The following ABCA12 variants were observed in gnomAD, a reference collection of about 807,000 sequenced individuals.
The protein encoded by ABCA12 is glucosylceramide transporter ABCA12.
In ABCA12, 156 loss-of-function variants were observed where a neutral mutation model predicts 293.5. The observed-to-expected ratio is 0.53, with a 90% CI of 0.47 to 0.61. The LOEUF (loss-of-function observed/expected upper bound fraction) is 0.61. Among genes scored for constraint, ABCA12 ranks in the 20% least tolerant of loss-of-function variants. The probability of loss-of-function intolerance (pLI) is 0.00; values close to 1 mark genes in which losing one functional copy is unlikely to be tolerated. For synonymous variants in ABCA12, 1,063 were observed against 1,108.0 expected, an observed-to-expected ratio of 0.96 and a Z score of 0.81; for missense variants, 2,797 against 3,090.2, an observed-to-expected ratio of 0.91 and a Z score of 2.25.
intron 6 of ABCA12, among the ~76,000 whole-genome samples, chr2:215,048,712 AAAAAACAAAGCAAAAC>A (rs1701255717): frequency 1.3e-5 from 2 of 152,258 alleles, no homozygotes; most frequent in Middle Eastern, 3.4e-3. Flanking sequence ...CAGAAAAAAC[AAAAAACAAAGCAAAAC>A]AAAAACAAAG....
intron 6 of ABCA12, among the ~76,000 whole-genome samples, chr2:215,046,903 A>T (rs111708511): frequency 0.14 from 21,878 of 152,096 alleles, 4,754 homozygotes; most frequent in African/African-American, 0.47. Context: ...GAAAAAAAGG[A>T]ATGAGATCAT....
chr2:214,981,945 A>ATTATTT (rs1293707507), intron 30 of ABCA12, among the ~76,000 whole-genome samples: 28 of 107,928 alleles, frequency 2.6e-4, no homozygotes, highest in African/African-American at 1.4e-3. Context: ...AGCTGTTTTT[A>ATTATTT]TTATTATTAT....
intron 49 of ABCA12, 92 bp from the exon 50 acceptor site, chr2:214,943,109 A>C: frequency 1.1e-6 from 1 of 903,256 alleles, no homozygotes; most frequent in Non-Finnish European, 1.8e-6. Context: ...TCATTATGGC[A>C]CTTGGAAATA....
chr2:214,966,653 T>C (rs1208650010), intron 39 of ABCA12, among the ~76,000 whole-genome samples, 195 bp downstream of exon 39: 1 of 152,152 alleles, frequency 6.6e-6, no homozygotes, highest in Non-Finnish European at 1.5e-5. Context: ...GAAAACTAAA[T>C]TGACCTGAAG....
At chr2:214,955,445 G>T in intron 42 of ABCA12, 84 bp from the exon 43 acceptor site, 2 of 1,380,160 alleles carry the variant, frequency 1.4e-6, no homozygotes, top group African/African-American at 1.4e-5. Flanking sequence ...ACTTTAGGAG[G>T]CTGAGGCAGG....
chr2:215,052,691 C>T (rs571209686), intron 4 of ABCA12, 107 bp from the exon 5 acceptor site: 11 of 931,362 alleles, frequency 1.2e-5, no homozygotes, highest in Non-Finnish European at 1.9e-5. Flanking sequence ...TACCCTACAG[C>T]AAGGATGTGC....
At chr2:215,052,935 C>A (rs1701349839) in intron 4 of ABCA12, among the ~76,000 whole-genome samples, 1 of 152,082 alleles carries the variant, frequency 6.6e-6, no homozygotes, top group Non-Finnish European at 1.5e-5. Flanking sequence ...CCTACACTAG[C>A]TCCACAGATC....
intron 51 of ABCA12, among the ~76,000 whole-genome samples, chr2:214,935,485 A>T (rs1036287267): frequency 1.6e-4 from 25 of 152,168 alleles, no homozygotes; most frequent in Non-Finnish European, 3.1e-4. Context: ...GATGATAGAA[A>T]ATGAGCTTTG....
intron 2 of ABCA12, among the ~76,000 whole-genome samples, chr2:215,104,379 C>T (rs1347471163): frequency 1.3e-5 from 2 of 152,210 alleles, no homozygotes; most frequent in Non-Finnish European, 2.9e-5. Flanking sequence ...ATCGTGTTAG[C>T]TGGCATTAGG....
At chr2:214,953,686 A>G (rs1698850619) in intron 44 of ABCA12, among the ~76,000 whole-genome samples, 168 bp downstream of exon 44, 2 of 152,234 alleles carry the variant, frequency 1.3e-5, no homozygotes, top group Admixed American at 1.3e-4. Flanking sequence ...TTTGATAACT[A>G]CTTACTAGAA....
chr2:215,057,925 A>G (rs1701451727), intron 3 of ABCA12, among the ~76,000 whole-genome samples: 2 of 152,048 alleles, frequency 1.3e-5, no homozygotes, highest in South Asian at 4.1e-4. Context: ...ACTCACCAAC[A>G]TTGATTACAT....
At chr2:215,122,803 A>C (rs1027181471) in intron 1 of ABCA12, among the ~76,000 whole-genome samples, 4 of 152,132 alleles carry the variant, frequency 2.6e-5, no homozygotes, top group Admixed American at 1.3e-4. Context: ...TTTTTTAAAA[A>C]TTTGCGATTT....
At chr2:214,933,502 T>G (rs1377614921) in intron 52 of ABCA12, among the ~76,000 whole-genome samples, 1 of 152,190 alleles carries the variant, frequency 6.6e-6, no homozygotes, top group Non-Finnish European at 1.5e-5. Flanking sequence ...ATAATCAAAC[T>G]TTCTATATGT....
intron 11 of ABCA12, chr2:215,022,235 A>G (rs752430943): frequency 6.6e-6 from 1 of 152,246 alleles, no homozygotes; most frequent in Non-Finnish European, 1.5e-5. Context: ...TTTGGTGTAC[A>G]TATGTGGGAA....
At chr2:214,989,205 T>TATATATATATATATATATATATATAC (rs1699858118) in intron 26 of ABCA12, 124 bp downstream of exon 26, 1 of 156,370 alleles carries the variant, frequency 6.4e-6, no homozygotes, top group Non-Finnish European at 1.3e-5. Context: ...TATATATATA[T>TATATATATATATATATATATATATAC]ATATAATATT....
rs774704088 is a variant in ABCA12, at chr2:215,026,879, T to C, written c.1121A>G (p.Tyr374Cys). The C allele has an allele frequency of 1.5e-5, 24 of 1,613,664 alleles. No homozygotes were observed. The highest frequency in any genetic ancestry group is 1.6e-4 in the Middle Eastern group (1 of 6,084). ...TCTCACACATGCCAAGTAAGGAATA[T>C]AAGGACTATTTGCTGATATATTTAA... ...ALLNISANSP[Y>C]IPYLACVRNV... is the part of the protein sequence containing the mutation. Residue 374 changes from tyrosine (Y) to cysteine (C), a missense_variant, in exon 10 of 53, where the codon TAT (tyrosine) becomes TGT (cysteine). Around this residue, in one of 3 missense-constraint regions of ABCA12, gnomAD observed 656 missense variants for 638.2 expected, o/e 1.03. Coordinates refer to ENST00000272895, the MANE Select transcript of ABCA12 (RefSeq NM_173076.3).
chr2:215,099,561 C>T (rs756670291), intron 2 of ABCA12, among the ~76,000 whole-genome samples: 46 of 152,012 alleles, frequency 3.0e-4, no homozygotes, highest in African/African-American at 9.7e-4. Context: ...GGCACGGTGG[C>T]GTATGCCTGT....
At chr2:215,028,335 A>G (rs1346666904) in intron 9 of ABCA12, among the ~76,000 whole-genome samples, 1 of 152,264 alleles carries the variant, frequency 6.6e-6, no homozygotes, top group African/African-American at 2.4e-5. Context: ...ACATGGCAAG[A>G]AAAGTCTCTA....
In ABCA12 at chr2:215,138,269, T is replaced by C; in HGVS notation, c.-61A>G. ...TTTCTCCACTCCACAAATGAAGAAC[T>C]GATGCCCCGTCCAACTTGCTGTATG... On this transcript the variant is annotated 5_prime_UTR_variant, in exon 1 of 53. Coordinates refer to ENST00000272895, the MANE Select transcript of ABCA12 (RefSeq NM_173076.3). The C allele has an allele frequency of 1.3e-6, 2 of 1,561,430 alleles. No individual in the cohort carries two copies. Among genetic ancestry groups the C allele is most frequent in the East Asian group, 2.2e-5 (1 of 44,590 alleles).
Sources: gnomAD v4.1 joint callset for allele counts (sites outside exome capture counted in the v4.1 genomes callset) on GRCh38, gnomAD v4.1.1 for gene constraint, gnomAD v4.1.1 regional missense constraint, MANE v1.5 for transcripts, NCBI Gene and HGNC (gene_info 2026-07-23, HGNC 2026-07-21) for gene names.